TEX36: variants seen among roughly 807,000 people sequenced by gnomAD.
TEX36 encodes testis-expressed protein 36.
In TEX36, 12 loss-of-function variants were observed where a neutral mutation model predicts 13.6. The ratio of observed to expected loss-of-function variants is 0.88; its 90% CI spans 0.56 to 1.43. TEX36 has a LOEUF of 1.43. Ranked by LOEUF, TEX36 falls within the 40% of genes most tolerant of loss-of-function variation. The pLI, the probability that TEX36 is intolerant of heterozygous loss-of-function variation, is 0.00. For synonymous variants in TEX36, 93 were observed against 83.0 expected (o/e 1.12, Z -0.65); for missense variants, 224 against 228.3 (o/e 0.98, Z 0.12).
At chr10:125,621,153 T>G (rs530642654), downstream of TEX36, among the ~76,000 whole-genome samples, 1 of 152,308 alleles carries the variant, frequency 6.6e-6, no homozygotes, top group South Asian at 2.1e-4. Flanking sequence ...AAATATTATT[T>G]GGGGATATAT....
chr10:125,636,406 GGGTTTCACCGTGTTA>G (rs1409326715), intron 3 of TEX36, among the ~76,000 whole-genome samples: 1 of 149,622 alleles, frequency 6.7e-6, no homozygotes, highest in Non-Finnish European at 1.5e-5. Context: ...AGTAGAGGCG[GGGTTTCACCGTGTTA>G]GCCAGGATGG....
At chr10:125,609,979 C>G (rs1000584812) in intron 3 of TEX36, among the ~76,000 whole-genome samples, 5 of 152,174 alleles carry the variant, frequency 3.3e-5, no homozygotes, top group Admixed American at 3.3e-4. Context: ...TGAAAGCAAC[C>G]CCTGGTTGCC....
At chr10:125,665,584 T>C (rs1438528879) in intron 1 of TEX36, among the ~76,000 whole-genome samples, 1 of 152,214 alleles carries the variant, frequency 6.6e-6, no homozygotes, top group South Asian at 2.1e-4. Flanking sequence ...TTGGTCTGTG[T>C]GTCTAATTTT....
downstream of TEX36, among the ~76,000 whole-genome samples, chr10:125,651,227 C>T (rs1315021961): frequency 6.6e-6 from 1 of 152,138 alleles, no homozygotes; most frequent in Admixed American, 6.6e-5. Flanking sequence ...CCCTGATGAA[C>T]ACTCATGCAA....
intron 1 of TEX36, among the ~76,000 whole-genome samples, chr10:125,677,298 T>C (rs189143482): frequency 6.6e-6 from 1 of 152,196 alleles, no homozygotes; most frequent in Non-Finnish European, 1.5e-5. Context: ...GGTTTTCTAA[T>C]CTTTTCTTTG....
At position 125,661,898 on chromosome 10, in the gene TEX36, A is replaced by G. The variant is rs1380718668; in HGVS notation, c.131T>C (p.Leu44Ser). Residue 44 changes from leucine (L) to serine (S), a missense_variant, in exon 2 of 4, where the codon TTG becomes TCG. Leu to Ser is a moderately radical substitution (Grantham distance 145). Transcript: ENST00000368821. ...CAGCTTCCCCTCCGCTTGCCGAGGC[A>G]AGTGTGGACTCTGGGGCTCTTTTGA... Reference protein sequence around the residue: ...ATSKEPQSPHLPRQAEGKLPP... With the variant: ...ATSKEPQSPHSPRQAEGKLPP... 6.4e-7 allele frequency: 1 copy of G among 1,552,258 alleles called. No homozygotes were observed. The highest frequency in any genetic ancestry group is 1.4e-5 in the African/African-American group (1 of 73,170).
rs572328414 is a variant in TEX36 at position 125,587,226 on chromosome 10, G to T, written c.265-10352C>A. ...ACAAATTCACTGGGTGTGGTGGTGT[G>T]CTCCTGTAGTCCCAGCTACTCAGAG... is the stretch of plus-strand genomic sequence containing the variant. On this transcript the variant is annotated intron_variant, in intron 3 of 3. Coordinates refer to the TEX36 transcript ENST00000532135. Among the ~76,000 whole-genome samples the T allele has an allele frequency of 1.1e-3, 165 of 152,176 alleles. 4 individuals are homozygous for T. The South Asian group carries it at 0.033, about 30-fold the overall frequency.
intron 3 of TEX36, among the ~76,000 whole-genome samples, chr10:125,588,927 G>A (rs1336401631): frequency 1.3e-5 from 2 of 152,084 alleles, no homozygotes; most frequent in Admixed American, 1.3e-4. Flanking sequence ...CCAAATCTCA[G>A]GTGAACTCAC....
chr10:125,576,813 G>C, exon 4 of TEX36: 1 of 1,535,970 alleles, frequency 6.5e-7, no homozygotes, highest in Non-Finnish European at 8.7e-7. Flanking sequence ...GGTCCTCACC[G>C]GCTCATAGAA....
At chr10:125,586,721 T>G (rs1223577227) in intron 3 of TEX36, among the ~76,000 whole-genome samples, 1 of 150,140 alleles carries the variant, frequency 6.7e-6, no homozygotes, top group African/African-American at 2.5e-5. Flanking sequence ...GGGGGAGGAT[T>G]GCTTGAGTCC....
intron 3 of TEX36, chr10:125,576,883 A>T: frequency 6.5e-7 from 1 of 1,536,000 alleles, no homozygotes; most frequent in Non-Finnish European, 8.7e-7. Flanking sequence ...TCCTGTGAGG[A>T]AGAGGGAAGA....
intron 3 of TEX36, among the ~76,000 whole-genome samples, chr10:125,582,314 C>T (rs752536116): frequency 6.6e-6 from 1 of 152,172 alleles, no homozygotes; most frequent in African/African-American, 2.4e-5. Flanking sequence ...TCTTCTTAAC[C>T]TCAAATTCTA....
chr10:125,679,254 C>G (rs977191767), intron 1 of TEX36, among the ~76,000 whole-genome samples: 1 of 151,972 alleles, frequency 6.6e-6, no homozygotes, highest in Non-Finnish European at 1.5e-5. Flanking sequence ...AGCTGCAGCC[C>G]GTGCCTCAGT....
At chr10:125,616,278 A>G (rs1445096851) in intron 3 of TEX36, among the ~76,000 whole-genome samples, 1 of 150,648 alleles carries the variant, frequency 6.6e-6, no homozygotes, top group African/African-American at 2.4e-5. Context: ...TTGTGTCTCT[A>G]TTTCCTTCAG....
chr10:125,636,628 T>C (rs935623240), intron 3 of TEX36, among the ~76,000 whole-genome samples: 1 of 152,122 alleles, frequency 6.6e-6, no homozygotes, highest in South Asian at 2.1e-4. Context: ...TCTAAACCCG[T>C]GTTCCAGTTC....
At chr10:125,587,308 C>G (rs1388262267) in intron 3 of TEX36, among the ~76,000 whole-genome samples, 1 of 152,110 alleles carries the variant, frequency 6.6e-6, no homozygotes, top group Non-Finnish European at 1.5e-5. Context: ...GGGCAACTTA[C>G]TGAGACCCCA....
chr10:125,660,992 T>A (rs1219417772), intron 3 of TEX36, 29 bp downstream of exon 3: 1 of 1,529,418 alleles, frequency 6.5e-7, no homozygotes, highest in South Asian at 1.2e-5. Flanking sequence ...GTTCCCTGTT[T>A]TATTAATAAT....
chr10:125,667,093 G>A, intron 1 of TEX36: 1 of 1,051,814 alleles, frequency 9.5e-7, no homozygotes, highest in Non-Finnish European at 1.5e-6. Flanking sequence ...CTTGTTAATG[G>A]CGTTGAGGTT....
At chr10:125,661,286 G>A (rs1055712648) in intron 2 of TEX36, among the ~76,000 whole-genome samples, 185 bp from the exon 3 acceptor site, 2 of 152,098 alleles carry the variant, frequency 1.3e-5, no homozygotes, top group Non-Finnish European at 2.9e-5. Context: ...CATCAGCGCC[G>A]GGCTTTGAAA....
Sources: allele counts gnomAD v4.1 joint callset (sites outside exome capture counted in the v4.1 genomes callset), GRCh38; gene constraint gnomAD v4.1.1; transcripts MANE v1.5; gene names NCBI Gene and HGNC (gene_info 2026-07-23, HGNC 2026-07-21).